HYDIN: variants seen among roughly 807,000 people sequenced by gnomAD.
HYDIN encodes HYDIN axonemal central pair apparatus protein, also known as axonemal central pair apparatus protein HYDIN.
A neutral mutation model predicts 403.9 loss-of-function variants in HYDIN; 132 were observed. The observed-to-expected ratio is 0.33, with a 90% CI of 0.28 to 0.38. The LOEUF (loss-of-function observed/expected upper bound fraction) is 0.38. Among genes scored for constraint, HYDIN ranks in the 10% least tolerant of loss-of-function variants. HYDIN has a pLI of 1.00. For missense variants in HYDIN, 2,827 were observed against 5,009.5 expected, an observed-to-expected ratio of 0.56 and a Z score of 13.15; for synonymous variants, 1,202 against 1,891.7, an observed-to-expected ratio of 0.64 and a Z score of 9.46.
intron 9 of HYDIN, among the ~76,000 whole-genome samples, chr16:71,119,999 G>C (rs1332715294): frequency 1.3e-5 from 2 of 151,414 alleles, no homozygotes; most frequent in African/African-American, 4.9e-5. Context: ...AAAACATCCA[G>C]AAATTTCCTT....
intron 1 of HYDIN, 35 bp from the exon 2 acceptor site, chr16:71,186,953 C>G (rs771242491): frequency 2.8e-6 from 4 of 1,438,774 alleles, no homozygotes; most frequent in South Asian, 1.3e-5. Flanking sequence ...AGAACAAATA[C>G]AGTTAATTCC....
intron 5 of HYDIN, among the ~76,000 whole-genome samples, chr16:71,175,147 A>C (rs2086618207): frequency 6.6e-6 from 1 of 151,208 alleles, no homozygotes; most frequent in South Asian, 2.1e-4. Flanking sequence ...CACCACCATC[A>C]GTGACAACAA....
At chr16:71,229,064 C>A (rs1184875977) in intron 1 of HYDIN, among the ~76,000 whole-genome samples, 8 of 150,164 alleles carry the variant, frequency 5.3e-5, no homozygotes, top group Non-Finnish European at 1.2e-4. Context: ...GGACAAAAAA[C>A]CAAACACCGC....
chr16:71,003,800 A>AC (rs1185863886), intron 23 of HYDIN, among the ~76,000 whole-genome samples: 2 of 146,328 alleles, frequency 1.4e-5, no homozygotes, highest in African/African-American at 5.1e-5. Flanking sequence ...CTCCATCTCA[A>AC]AAAAAAAAAA....
chr16:71,069,601 T>C lies in HYDIN; in HGVS notation c.1739-99A>G, dbSNP rs939695627. 1.0e-4 allele frequency: 67 copies of C among 657,550 alleles called. No individual in the cohort carries two copies. In the African/African-American group the frequency reaches 1.2e-3, roughly 11 times the overall value. 40.7% of individuals were successfully genotyped at this position (657,550 alleles called of 1,614,324 possible). A position where few individuals can be genotyped will look rare whatever the true frequency, so the allele number is the denominator to read the frequency against. On this transcript the variant is annotated intron_variant, in intron 13 of 85. Transcript: ENST00000393567. ...ACTGCTAAGCTTCTTGAATGAACTG[T>C]CTGTGCTATTCATTACTACTTAACT...
intron 84 of HYDIN, among the ~76,000 whole-genome samples, chr16:70,812,517 TAA>T (rs1402119169): frequency 1.3e-5 from 2 of 151,952 alleles, no homozygotes; most frequent in African/African-American, 4.8e-5. Context: ...AAGTGAATTG[TAA>T]AAGATGATGG....
intron 56 of HYDIN, 82 bp downstream of exon 56, chr16:70,892,279 G>C: frequency 1.3e-6 from 2 of 1,513,058 alleles, no homozygotes; most frequent in Admixed American, 2.3e-5. Flanking sequence ...CTGGAGCATG[G>C]ATTAGGTCAT....
At chr16:71,036,843 G>T (rs28744532) in intron 18 of HYDIN, among the ~76,000 whole-genome samples, 4 of 152,260 alleles carry the variant, frequency 2.6e-5, no homozygotes, top group African/African-American at 9.6e-5. Context: ...TTTGGTGGTT[G>T]ACTTTTAGGG....
intron 1 of HYDIN, among the ~76,000 whole-genome samples, chr16:71,210,228 T>C (rs186950433): frequency 6.6e-6 from 1 of 152,286 alleles, no homozygotes; most frequent in East Asian, 1.9e-4. Context: ...ACTGCAGCAC[T>C]AATCACAATA....
chr16:70,902,381 G>A lies in HYDIN; in HGVS notation c.8850-1179C>T, dbSNP rs577151644. The stretch of plus-strand genomic sequence containing the variant: ...CCCAGCACTTCAGGAGGTTGGGATG[G>A]GTGAATTACCGGAGCTCAGGAGTTG... On this transcript the variant is annotated intron_variant, in intron 52 of 85. Coordinates refer to ENST00000393567, the MANE Select transcript of HYDIN (RefSeq NM_001270974.2). Among the ~76,000 whole-genome samples, 444 of 145,978 alleles carry A rather than the reference G, an allele frequency of 3.0e-3. 2 individuals are homozygous for A. Among genetic ancestry groups the A allele is most frequent in the Middle Eastern group, 0.011 (3 of 278 alleles).
chr16:71,049,512 A>T (rs1446742777), intron 18 of HYDIN, among the ~76,000 whole-genome samples: 1 of 152,214 alleles, frequency 6.6e-6, no homozygotes, highest in Admixed American at 6.5e-5. Context: ...GCAAATGTAA[A>T]AATGCTAGAA....
intron 22 of HYDIN, among the ~76,000 whole-genome samples, chr16:71,018,745 A>G (rs9933144): frequency 0.022 from 3,315 of 151,920 alleles, 19 homozygotes; most frequent in African/African-American, 0.075. Context: ...AGAGATTTTG[A>G]TAAGTGTTGT....
At chr16:71,021,817 T>C (rs574276295) in intron 21 of HYDIN, among the ~76,000 whole-genome samples, 1 of 152,174 alleles carries the variant, frequency 6.6e-6, no homozygotes, top group Non-Finnish European at 1.5e-5. Context: ...CCTAATTTCA[T>C]ACTTTGATAT....
chr16:70,850,423 T>C (rs1281291956), intron 74 of HYDIN, 25 bp downstream of exon 74: 3 of 1,071,338 alleles, frequency 2.8e-6, no homozygotes, highest in Non-Finnish European at 2.7e-6. Flanking sequence ...CTGAGATAGA[T>C]AGCAAGGTCT....
chr16:70,931,788 A>G (rs1256590602), intron 45 of HYDIN, among the ~76,000 whole-genome samples: 6 of 150,018 alleles, frequency 4.0e-5, no homozygotes, highest in East Asian at 4.0e-4. Flanking sequence ...GCCAAGGTGG[A>G]TGGATCACTT....
chr16:70,887,202 T>A (rs1053530294), intron 58 of HYDIN, among the ~76,000 whole-genome samples: 42 of 152,346 alleles, frequency 2.8e-4, no homozygotes, highest in Non-Finnish European at 2.6e-4. Context: ...CATCCTAATC[T>A]CTGGAACCTG....
chr16:71,139,906 T>C (rs998315746), intron 7 of HYDIN, among the ~76,000 whole-genome samples: 4 of 151,814 alleles, frequency 2.6e-5, no homozygotes, highest in East Asian at 1.9e-4. Context: ...GAAAGTCAAA[T>C]TGGATAAATT....
At chr16:70,873,861 T>TG (rs1243975803) in intron 64 of HYDIN, among the ~76,000 whole-genome samples, 1 of 148,312 alleles carries the variant, frequency 6.7e-6, no homozygotes, top group Non-Finnish European at 1.5e-5. Context: ...CATTGAGTAG[T>TG]GGGGCTGTGC....
intron 84 of HYDIN, 45 bp downstream of exon 84, chr16:70,818,297 A>G: frequency 3.0e-6 from 4 of 1,321,838 alleles, no homozygotes; most frequent in South Asian, 2.5e-5. Flanking sequence ...GGTGGAAGCC[A>G]CTCTCACAGC....
Sources: allele counts gnomAD v4.1 joint callset (sites outside exome capture counted in the v4.1 genomes callset), GRCh38; gene constraint gnomAD v4.1.1; transcripts MANE v1.5; gene names NCBI Gene and HGNC (gene_info 2026-07-23, HGNC 2026-07-21).